The following IFT122 variants were observed in gnomAD, a reference collection of about 807,000 sequenced individuals.
The protein encoded by IFT122 is intraflagellar transport protein 122 homolog.
In IFT122, 118 loss-of-function variants were observed where a neutral mutation model predicts 161.6. The ratio of observed to expected loss-of-function variants is 0.73; its 90% CI spans 0.63 to 0.85. The LOEUF (loss-of-function observed/expected upper bound fraction) is 0.85, where lower values mean the gene tolerates loss of function less well. IFT122 is among the 40% of genes least tolerant of loss of function. IFT122 has a pLI of 0.00. For synonymous variants in IFT122, 550 were observed against 602.4 expected (o/e 0.91, Z 1.27); for missense variants, 1,381 against 1,579.6 (o/e 0.87, Z 2.13).
chr3:129,458,227 C>A (rs969271337), intron 3 of IFT122, among the ~76,000 whole-genome samples: 2 of 152,184 alleles, frequency 1.3e-5, no homozygotes, highest in African/African-American at 4.8e-5. Context: ...CCCAGTTATT[C>A]TCTTTCATAG....
chr3:129,517,515 TGAA>T lies in IFT122; in HGVS notation c.3317_3319del (p.Glu1106del), dbSNP rs1274092895. 9.3e-6 allele frequency: 15 copies of T among 1,614,026 alleles called. No homozygotes were observed. The highest frequency in any genetic ancestry group is 1.2e-5 in the Non-Finnish European group (14 of 1,179,928). On this transcript the variant is annotated inframe_deletion, in exon 27 of 30. Coordinates refer to ENST00000348417, the MANE Select transcript of IFT122 (RefSeq NM_052989.3). ...TCTACCTGGAGGAAGGGATCACTGA[TGAA>T]GAAGCCATCTCCCTCATCGACCTGG... is the stretch of plus-strand genomic sequence containing the variant.
At chr3:129,456,150 C>T (rs760098297) in intron 3 of IFT122, 8 of 806,730 alleles carry the variant, frequency 9.9e-6, no homozygotes, top group Non-Finnish European at 1.5e-5. Flanking sequence ...TTGGGTCATG[C>T]AGCTGGTCAG....
rs530654242 is a variant in IFT122, at chr3:129,504,519, T to C, written c.2650+98T>C. On this transcript the variant is annotated intron_variant, in intron 21 of 29. Coordinates refer to ENST00000348417, the MANE Select transcript of IFT122 (RefSeq NM_052989.3). The stretch of plus-strand genomic sequence containing the variant: ...CTACCAAGCCCTTCCCATCTGTAGA[T>C]CCCAAGATAGATGACTTCATCCTGG... 8 of 927,306 alleles carry C rather than the reference T, an allele frequency of 8.6e-6. No individual in the cohort carries two copies. In the East Asian group the frequency reaches 1.9e-4, roughly 22 times the overall value. 57.4% of individuals were successfully genotyped at this position (927,306 alleles called of 1,614,324 possible).
chr3:129,485,613 A>G (rs561027663), intron 15 of IFT122, among the ~76,000 whole-genome samples: 53 of 152,316 alleles, frequency 3.5e-4, no homozygotes, highest in Non-Finnish European at 5.7e-4. Context: ...ATCTCCCTCA[A>G]TTGCCCCAAA....
At chr3:129,485,145 G>T (rs898747680) in intron 15 of IFT122, among the ~76,000 whole-genome samples, 2 of 152,222 alleles carry the variant, frequency 1.3e-5, no homozygotes, top group African/African-American at 4.8e-5. Context: ...TAAATAGCAG[G>T]CATCTTTCTA....
At chr3:129,469,536 G>A in intron 9 of IFT122, 119 bp downstream of exon 9, 1 of 824,572 alleles carries the variant, frequency 1.2e-6, no homozygotes, top group Non-Finnish European at 2.1e-6. Context: ...AGCATTTGCT[G>A]TGGTACCAGA....
At chr3:129,510,035 C>T (rs1207288390) in intron 23 of IFT122, among the ~76,000 whole-genome samples, 3 of 152,218 alleles carry the variant, frequency 2.0e-5, no homozygotes, top group African/African-American at 7.2e-5. Flanking sequence ...CGCCAGCTTT[C>T]CCTGACCTGC....
chr3:129,455,017 T>A (rs2075303779), intron 3 of IFT122, among the ~76,000 whole-genome samples: 1 of 152,192 alleles, frequency 6.6e-6, no homozygotes, highest in African/African-American at 2.4e-5. Flanking sequence ...TAGTGTATCA[T>A]GCTGCCTCTT....
intron 27 of IFT122, among the ~76,000 whole-genome samples, chr3:129,518,173 A>G (rs2084247322): frequency 6.6e-6 from 1 of 152,210 alleles, no homozygotes; most frequent in Non-Finnish European, 1.5e-5. Flanking sequence ...TGTCAGGAGC[A>G]GTGCCAGCCC....
Position 129,464,765 on chromosome 3 carries a change from T to C in IFT122, c.547T>C (p.Cys183Arg), listed in dbSNP as rs775119084. 1 of 1,614,188 alleles carries C rather than the reference T, an allele frequency of 6.2e-7. No individual in the cohort carries two copies. Residue 183 changes from cysteine (C) to arginine (R), a missense_variant, in exon 7 of 30, where the codon TGC (cysteine) becomes CGC (arginine). Transcript: ENST00000348417. ...GGSLSPIWSICWNPSSRWESF... is the reference protein window; with the variant it reads ...GGSLSPIWSIRWNPSSRWESF... ...CTCCCTCTCGCCAATATGGTCCATCTGCTGGAACCCTTCAAGGTACTCTTA... is the reference window on the plus strand; with the variant it reads ...CTCCCTCTCGCCAATATGGTCCATCCGCTGGAACCCTTCAAGGTACTCTTA...
intron 23 of IFT122, among the ~76,000 whole-genome samples, chr3:129,508,915 T>G (rs887044009): frequency 2.0e-5 from 3 of 152,236 alleles, no homozygotes; most frequent in African/African-American, 7.2e-5. Flanking sequence ...GTTGCAGTTT[T>G]CGGTGCATCT....
At chr3:129,474,427 G>A (rs2077685845) in intron 9 of IFT122, among the ~76,000 whole-genome samples, 1 of 152,120 alleles carries the variant, frequency 6.6e-6, no homozygotes, top group African/African-American at 2.4e-5. Context: ...AAACTCCAGT[G>A]GTAATAAGGA....
chr3:129,456,362 G>T lies in IFT122; in HGVS notation c.194-2237G>T. On this transcript the variant is annotated intron_variant, in intron 3 of 29. Transcript: ENST00000348417. Reference sequence around the variant, plus strand: ...AGCTACTGTAAAAGGTACTTGGCCGGGTGTGGTGGCTCATGCTTGTGATCT... The same window carrying T: ...AGCTACTGTAAAAGGTACTTGGCCGTGTGTGGTGGCTCATGCTTGTGATCT... The T allele has an allele frequency of 5.0e-6, 5 of 990,534 alleles. No homozygotes were observed. In the South Asian group the frequency reaches 5.2e-5, roughly 10 times the overall value. 61.4% of individuals were successfully genotyped at this position (990,534 alleles called of 1,614,324 possible).
At chr3:129,444,608 G>A (rs990261647) in intron 1 of IFT122, among the ~76,000 whole-genome samples, 13 of 151,652 alleles carry the variant, frequency 8.6e-5, no homozygotes, top group African/African-American at 2.7e-4. Flanking sequence ...TGCAAGCTCC[G>A]CCTCCCAGGT....
At position 129,465,675 on chromosome 3, in the gene IFT122, G is replaced by A. The variant is rs1436019002; in HGVS notation, c.563+894G>A. Among the ~76,000 whole-genome samples the A allele has an allele frequency of 7.1e-5, 6 of 84,776 alleles. 1 individual carries two copies. In the South Asian group the frequency reaches 1.8e-3, roughly 25 times the overall value. 55.6% of individuals were successfully genotyped at this position (84,776 alleles called of 152,430 possible). Reference sequence around the variant, plus strand: ...TTTTGAGACGGAGTCTCGCTCTGTCGCCCAGGCCGGACTGCGGACTGCAGT... The same window carrying A: ...TTTTGAGACGGAGTCTCGCTCTGTCACCCAGGCCGGACTGCGGACTGCAGT... On this transcript the variant is annotated intron_variant, in intron 7 of 29. Coordinates refer to ENST00000348417, the MANE Select transcript of IFT122 (RefSeq NM_052989.3).
intron 25 of IFT122, 55 bp downstream of exon 25, chr3:129,514,609 C>T (rs1188408076): frequency 5.0e-6 from 8 of 1,595,206 alleles, no homozygotes; most frequent in Non-Finnish European, 6.9e-6. Context: ...GAGGCCATCT[C>T]ATGCCTTCTT....
intron 15 of IFT122, among the ~76,000 whole-genome samples, chr3:129,484,504 G>A: frequency 6.6e-6 from 1 of 152,172 alleles, no homozygotes; most frequent in Admixed American, 6.5e-5. Context: ...AAACAAAAGT[G>A]GAATCACACT....
chr3:129,467,267 A>G (rs2076909284), intron 8 of IFT122, among the ~76,000 whole-genome samples: 1 of 151,954 alleles, frequency 6.6e-6, no homozygotes, highest in African/African-American at 2.4e-5. Context: ...AACTATAGGA[A>G]ATACTGAAAA....
intron 16 of IFT122, among the ~76,000 whole-genome samples, chr3:129,490,518 T>A (rs1208088893): frequency 1.3e-5 from 2 of 152,190 alleles, no homozygotes; most frequent in Non-Finnish European, 2.9e-5. Flanking sequence ...TGTGTCAGGT[T>A]GAAGGAACTC....
Sources: gnomAD v4.1 joint callset for allele counts (sites outside exome capture counted in the v4.1 genomes callset) on GRCh38, gnomAD v4.1.1 for gene constraint, MANE v1.5 for transcripts, NCBI Gene and HGNC (gene_info 2026-07-23, HGNC 2026-07-21) for gene names.